SERPINI2: variants seen among roughly 807,000 people sequenced by gnomAD.
The protein encoded by SERPINI2 is serpin I2.
Under a neutral mutation model 47.3 loss-of-function variants are expected in SERPINI2, and 48 were observed. That is an observed-to-expected ratio of 1.02 (90% CI 0.81 to 1.29). The LOEUF (loss-of-function observed/expected upper bound fraction) is 1.29. Ranked by LOEUF, SERPINI2 falls within the 50% of genes most tolerant of loss-of-function variation. SERPINI2 has a pLI of 0.00. For missense variants in SERPINI2, 448 were observed against 456.9 expected, an observed-to-expected ratio of 0.98 and a Z score of 0.18; for synonymous variants, 135 against 149.3, an observed-to-expected ratio of 0.90 and a Z score of 0.70.
At chr3:167,443,020 C>G (rs1749370009) in intron 8 of SERPINI2, among the ~76,000 whole-genome samples, 2 of 152,180 alleles carry the variant, frequency 1.3e-5, no homozygotes, top group Admixed American at 6.5e-5. Flanking sequence ...ATTAACTCTA[C>G]TATTCAGTCC....
chr3:167,448,598 C>T (rs1205745947), intron 7 of SERPINI2, among the ~76,000 whole-genome samples: 1 of 152,128 alleles, frequency 6.6e-6, no homozygotes, highest in East Asian at 1.9e-4. Context: ...TCTAGGCTCA[C>T]TACAAGCTCT....
intron 3 of SERPINI2, 101 bp downstream of exon 3, chr3:167,466,954 C>T (rs2108170238): frequency 3.0e-6 from 2 of 677,910 alleles, no homozygotes; most frequent in Admixed American, 6.3e-5. Flanking sequence ...TCCTCTGATC[C>T]ATACTGCAGT....
chr3:167,473,513 T>G (rs967933437), intron 1 of SERPINI2, among the ~76,000 whole-genome samples: 1 of 151,638 alleles, frequency 6.6e-6, no homozygotes, highest in African/African-American at 2.4e-5. Context: ...AGATATAGCT[T>G]TATGTATTTG....
chr3:167,471,679 T>A (rs1340550287), exon 2 of SERPINI2: 5 of 1,613,614 alleles, frequency 3.1e-6, no homozygotes, highest in Non-Finnish European at 4.2e-6. Flanking sequence ...GAACCAAAGT[T>A]ATTCCAAGGG....
chr3:167,449,042 T>C (rs1318661496), intron 7 of SERPINI2, among the ~76,000 whole-genome samples: 1 of 152,220 alleles, frequency 6.6e-6, no homozygotes, highest in Non-Finnish European at 1.5e-5. Flanking sequence ...ACAAGTCCTA[T>C]CTGCTAATTC....
intron 5 of SERPINI2, among the ~76,000 whole-genome samples, chr3:167,455,663 G>GAA (rs1245391945): frequency 6.6e-6 from 1 of 151,548 alleles, no homozygotes; most frequent in Non-Finnish European, 1.5e-5. Flanking sequence ...AATTTATAAA[G>GAA]AAAAGAAGTT....
rs576956312 is a variant in SERPINI2 at position 167,466,393 on chromosome 3, T to C, written c.478+662A>G. On this transcript the variant is annotated intron_variant, in intron 3 of 8. Coordinates refer to ENST00000264677, the Ensembl canonical transcript of SERPINI2. ...AAATAAAGAAACAAAGTACTATTAA[T>C]TGAGGGCTTGGTATATGCTTGTCAC... Among the ~76,000 whole-genome samples the C allele has an allele frequency of 2.6e-5, 4 of 152,324 alleles. No homozygotes were observed. The East Asian group carries it at 7.7e-4, about 29-fold the overall frequency.
chr3:167,462,696 G>A (rs1422901709), intron 5 of SERPINI2, among the ~76,000 whole-genome samples: 1 of 152,184 alleles, frequency 6.6e-6, no homozygotes. Context: ...AGAGAAGTCT[G>A]TGTCTACACT....
At chr3:167,449,672 T>G (rs1274782046) in intron 6 of SERPINI2, among the ~76,000 whole-genome samples, 1 of 137,994 alleles carries the variant, frequency 7.2e-6, no homozygotes, top group African/African-American at 3.0e-5. Flanking sequence ...TTTTGTATTT[T>G]TAGTAGAGGT....
chr3:167,475,927 G>T (rs1750470876), upstream of SERPINI2, among the ~76,000 whole-genome samples: 1 of 151,740 alleles, frequency 6.6e-6, no homozygotes, highest in Non-Finnish European at 1.5e-5. Flanking sequence ...CTTTAAAAAT[G>T]TATAAGCAAA....
At chr3:167,449,162 A>G (rs1213703299) in intron 7 of SERPINI2, among the ~76,000 whole-genome samples, 154 bp downstream of exon 7, 1 of 152,178 alleles carries the variant, frequency 6.6e-6, no homozygotes, top group East Asian at 1.9e-4. Context: ...AGAAATATGA[A>G]CAGCGTATAC....
chr3:167,459,026 C>A (rs560434781), intron 5 of SERPINI2, among the ~76,000 whole-genome samples: 1 of 149,942 alleles, frequency 6.7e-6, no homozygotes, highest in South Asian at 2.1e-4. Flanking sequence ...AAGAATCTGG[C>A]GGCGTATAGC....
At chr3:167,460,209 A>C (rs1300037968) in intron 5 of SERPINI2, among the ~76,000 whole-genome samples, 2 of 152,240 alleles carry the variant, frequency 1.3e-5, no homozygotes, top group Non-Finnish European at 2.9e-5. Context: ...CAAAATACTT[A>C]GTTATCAGTT....
intron 5 of SERPINI2, among the ~76,000 whole-genome samples, chr3:167,453,549 T>C (rs1002297113): frequency 2.0e-5 from 3 of 152,106 alleles, no homozygotes; most frequent in Non-Finnish European, 4.4e-5. Context: ...TGAGATGTTC[T>C]TTAGTGTATG....
intron 2 of SERPINI2, among the ~76,000 whole-genome samples, chr3:167,468,339 A>G (rs758209762): frequency 6.6e-6 from 1 of 152,050 alleles, no homozygotes; most frequent in Non-Finnish European, 1.5e-5. Flanking sequence ...AAGCTTGTGT[A>G]AATACATTTT....
upstream of SERPINI2, chr3:167,474,144 G>T (rs1040251984): frequency 1.6e-4 from 161 of 990,658 alleles, no homozygotes; most frequent in Middle Eastern, 1.0e-3. Context: ...TAGAACAAAA[G>T]CAGGTGTTCA....
At chr3:167,443,573 G>T (rs1300001989) in intron 8 of SERPINI2, among the ~76,000 whole-genome samples, 2 of 152,054 alleles carry the variant, frequency 1.3e-5, no homozygotes, top group Non-Finnish European at 2.9e-5. Context: ...ACAGGAATAA[G>T]CAGCGACTCC....
chr3:167,441,959 C>T (rs1749341388), exon 9 of SERPINI2: 3 of 505,542 alleles, frequency 5.9e-6, no homozygotes, highest in Non-Finnish European at 9.9e-6. Context: ...CCTAATTTTA[C>T]TTATTCATCA....
chr3:167,471,549 A>G (rs997705877), intron 2 of SERPINI2, 39 bp downstream of exon 2: 2 of 1,592,206 alleles, frequency 1.3e-6, no homozygotes, highest in African/African-American at 1.4e-5. Context: ...ATGCGTCCAT[A>G]TCTTATCCAG....
Sources: allele counts gnomAD v4.1 joint callset (sites outside exome capture counted in the v4.1 genomes callset), GRCh38; gene constraint gnomAD v4.1.1; transcripts MANE v1.5; gene names NCBI Gene and HGNC (gene_info 2026-07-23, HGNC 2026-07-21).